The following PTH2R variants were observed in gnomAD, a reference collection of about 807,000 sequenced individuals.
The protein encoded by PTH2R is parathyroid hormone 2 receptor.
A neutral mutation model predicts 60.3 loss-of-function variants in PTH2R; 59 were observed. That is an observed-to-expected ratio of 0.98 (90% CI 0.79 to 1.22). The LOEUF (loss-of-function observed/expected upper bound fraction) is 1.22, where lower values mean the gene tolerates loss of function less well. Among genes scored for constraint, PTH2R ranks in the 50% most tolerant of loss-of-function variants. The pLI is 0.00. For synonymous variants in PTH2R, 256 were observed against 243.8 expected, an observed-to-expected ratio of 1.05 and a Z score of -0.47; for missense variants, 749 against 682.6, an observed-to-expected ratio of 1.10 and a Z score of -1.08.
intron 1 of PTH2R, among the ~76,000 whole-genome samples, chr2:208,375,839 G>A (rs1011119778): frequency 1.3e-5 from 2 of 152,142 alleles, no homozygotes; most frequent in African/African-American, 4.8e-5. Context: ...GCTGGGTCAT[G>A]AGAGTGGTGT....
Position 208,397,557 on chromosome 2 carries a change from T to A in PTH2R, c.-258-30644T>A, listed in dbSNP as rs563517211. Among the ~76,000 whole-genome samples, 3 of 152,182 alleles carry A rather than the reference T, an allele frequency of 2.0e-5. No homozygotes were observed. The South Asian group carries it at 6.2e-4, about 32-fold the overall frequency. On this transcript the variant is annotated intron_variant, in intron 1 of 12. Coordinates refer to the PTH2R transcript ENST00000617735. ...GGCAAGAAAGAAGGAAGAGGCTCCC[T>A]CTGTACAGAGATAGAGGTGGGGGGG...
intron 1 of PTH2R, among the ~76,000 whole-genome samples, chr2:208,391,276 A>G (rs996550770): frequency 6.6e-6 from 1 of 152,234 alleles, no homozygotes; most frequent in African/African-American, 2.4e-5. Context: ...CCATCCATAC[A>G]GCATCTTAAA....
chr2:208,397,298 G>T (rs1256746545), intron 1 of PTH2R, among the ~76,000 whole-genome samples: 2 of 151,156 alleles, frequency 1.3e-5, no homozygotes, highest in Non-Finnish European at 2.9e-5. Flanking sequence ...AGAATTTAAA[G>T]TATAATTAAA....
Position 208,494,477 on chromosome 2 carries a change from G to A in PTH2R, c.*818G>A, listed in dbSNP as rs1040408872. On this transcript the variant is annotated 3_prime_UTR_variant, in exon 13 of 13. Coordinates refer to ENST00000272847, the MANE Select transcript of PTH2R (RefSeq NM_005048.4). ...TGTTACTACATTGTACATGGCATGT[G>A]GGATCAATTAAAAATTTGTTTTAAA... is the stretch of plus-strand genomic sequence containing the variant. 3 of 152,244 alleles carry A rather than the reference G, an allele frequency of 2.0e-5. No individual in the cohort carries two copies. Among genetic ancestry groups the A allele is most frequent in the Middle Eastern group, 3.4e-3 (1 of 294 alleles). 9.4% of individuals were successfully genotyped at this position (152,244 alleles called of 1,614,324 possible).
At chr2:208,448,426 G>A (rs186368216) in intron 7 of PTH2R, among the ~76,000 whole-genome samples, 34 of 151,686 alleles carry the variant, frequency 2.2e-4, no homozygotes, top group Admixed American at 6.6e-4. Flanking sequence ...TGAGGTGGGC[G>A]GATCATGAGG....
chr2:208,375,085 G>C (rs1485681635), intron 1 of PTH2R, among the ~76,000 whole-genome samples: 1 of 152,078 alleles, frequency 6.6e-6, no homozygotes, highest in Non-Finnish European at 1.5e-5. Context: ...TGATTTATTT[G>C]AAGGATATTT....
intron 1 of PTH2R, among the ~76,000 whole-genome samples, chr2:208,384,937 A>G (rs1700976986): frequency 6.6e-6 from 1 of 152,234 alleles, no homozygotes; most frequent in Non-Finnish European, 1.5e-5. Flanking sequence ...GTCATACACA[A>G]CAAACTGATT....
chr2:208,406,610 T>C (rs1169703356), upstream of PTH2R, among the ~76,000 whole-genome samples: 1 of 152,064 alleles, frequency 6.6e-6, no homozygotes, highest in Admixed American at 6.5e-5. Context: ...AGCAGAAACA[T>C]TGCGAATCGG....
intron 9 of PTH2R, 84 bp downstream of exon 9, chr2:208,460,045 C>T (rs1347853332): frequency 9.0e-7 from 1 of 1,115,058 alleles, no homozygotes; most frequent in East Asian, 2.4e-5. Context: ...TCTGTCACTG[C>T]ATTCTACAAC....
intron 1 of PTH2R, among the ~76,000 whole-genome samples, chr2:208,361,597 C>T (rs1331486179): frequency 6.6e-6 from 1 of 152,130 alleles, no homozygotes; most frequent in East Asian, 1.9e-4. Context: ...CTCTTTCCCC[C>T]TACTCCCAAG....
chr2:208,475,188 A>G (rs897082), intron 9 of PTH2R, among the ~76,000 whole-genome samples: 120,974 of 151,632 alleles, frequency 0.8, 48,639 homozygotes, highest in African/African-American at 0.86. Flanking sequence ...AAATGTGAAA[A>G]TGCAACAAGG....
At chr2:208,367,037 A>G (rs1467689010) in intron 1 of PTH2R, among the ~76,000 whole-genome samples, 3 of 151,788 alleles carry the variant, frequency 2.0e-5, no homozygotes, top group Non-Finnish European at 4.4e-5. Flanking sequence ...CTCAGAGTCT[A>G]TTCTGGCTCA....
chr2:208,470,550 C>A (rs1291644052), intron 9 of PTH2R, among the ~76,000 whole-genome samples: 1 of 152,076 alleles, frequency 6.6e-6, no homozygotes. Context: ...TGCACAAGCT[C>A]TCTTCTCTTA....
At chr2:208,403,902 A>G (rs1220238962), upstream of PTH2R, among the ~76,000 whole-genome samples, 1 of 152,210 alleles carries the variant, frequency 6.6e-6, no homozygotes, top group East Asian at 1.9e-4. Flanking sequence ...CATGGTGGCT[A>G]AATTCCAAGA....
At chr2:208,443,734 C>T (rs1051104036) in intron 6 of PTH2R, among the ~76,000 whole-genome samples, 197 bp downstream of exon 6, 4 of 152,102 alleles carry the variant, frequency 2.6e-5, no homozygotes, top group Non-Finnish European at 5.9e-5. Flanking sequence ...ATTAAAAGTT[C>T]TTGGGTTTTT....
Position 208,490,310 on chromosome 2 carries a change from T to C in PTH2R, c.1216-329T>C, listed in dbSNP as rs573040758. Among the ~76,000 whole-genome samples, 3 of 152,250 alleles carry C rather than the reference T, an allele frequency of 2.0e-5. No individual in the cohort carries two copies. In the South Asian group the frequency reaches 6.2e-4, roughly 32 times the overall value. ...TTTGTAGTTTTCAGCATTTACAGCT[T>C]ATAACTTCCTCTTACCAAGCAGAGG... On this transcript the variant is annotated intron_variant, in intron 11 of 12. Transcript: ENST00000272847.
intron 1 of PTH2R, among the ~76,000 whole-genome samples, chr2:208,367,688 A>T (rs977535902): frequency 2.6e-5 from 4 of 152,158 alleles, no homozygotes; most frequent in Admixed American, 1.3e-4. Flanking sequence ...AAGAAGAAAC[A>T]GTTAACATGG....
chr2:208,471,382 G>A (rs1006333998), intron 9 of PTH2R, among the ~76,000 whole-genome samples: 3 of 152,204 alleles, frequency 2.0e-5, no homozygotes, highest in African/African-American at 7.2e-5. Context: ...TAGGCCCAAG[G>A]TCCCTGTGCT....
At chr2:208,427,505 C>A (rs1036341283) in intron 1 of PTH2R, among the ~76,000 whole-genome samples, 1 of 152,018 alleles carries the variant, frequency 6.6e-6, no homozygotes, top group Non-Finnish European at 1.5e-5. Flanking sequence ...AAAAAAAAAT[C>A]GTTAAAGTAA....
Sources: allele counts gnomAD v4.1 joint callset (sites outside exome capture counted in the v4.1 genomes callset), GRCh38; gene constraint gnomAD v4.1.1; transcripts MANE v1.5; gene names NCBI Gene and HGNC (gene_info 2026-07-23, HGNC 2026-07-21).